Variants in GAS7 observed in about 807,000 individuals in gnomAD.
GAS7 encodes the protein growth arrest-specific protein 7.
GAS7 carries 28 observed loss-of-function variants against 71.1 expected under a neutral mutation model. The ratio of observed to expected loss-of-function variants is 0.39; its 90% CI spans 0.29 to 0.54. The LOEUF is 0.54. Ranked by LOEUF, GAS7 falls within the 20% of genes least tolerant of loss-of-function variation. The pLI is 0.62. For synonymous variants in GAS7, 258 were observed against 245.8 expected (o/e 1.05, Z -0.46); for missense variants, 436 against 627.8 (o/e 0.69, Z 3.27).
Position 9,914,709 on chromosome 17 carries a change from G to C in GAS7, c.*2519C>G, listed in dbSNP as rs1241922485. On this transcript the variant is annotated 3_prime_UTR_variant, in exon 14 of 14. Transcript: ENST00000432992. Reference sequence around the variant, plus strand: ...AAAGAATCCCAGAGGGTTAAGTGTGGAGAGGGTACAATGTTCTTATTATAC... The same window carrying C: ...AAAGAATCCCAGAGGGTTAAGTGTGCAGAGGGTACAATGTTCTTATTATAC... 2 of 221,428 alleles carry C rather than the reference G, an allele frequency of 9.0e-6. No homozygotes were observed. The allele number at this position is 221,428 out of a possible 1,614,324, so 13.7% of individuals were successfully genotyped here.
chr17:10,065,588 T>A (rs1218374485), intron 1 of GAS7, among the ~76,000 whole-genome samples: 2 of 152,232 alleles, frequency 1.3e-5, no homozygotes, highest in African/African-American at 2.4e-5. Flanking sequence ...TTCTCTCTTA[T>A]AAAGATGCTT....
chr17:10,175,334 G>A (rs2074366270), intron 1 of GAS7, among the ~76,000 whole-genome samples: 1 of 152,072 alleles, frequency 6.6e-6, no homozygotes, highest in Middle Eastern at 3.4e-3. Context: ...AGGGGCTTGT[G>A]TGAGTTTGCT....
At chr17:9,958,479 G>T (rs1263122435) in intron 5 of GAS7, among the ~76,000 whole-genome samples, 1 of 152,202 alleles carries the variant, frequency 6.6e-6, no homozygotes, top group Non-Finnish European at 1.5e-5. Context: ...TGGAGCCTAA[G>T]AGAGCAATAC....
chr17:10,115,265 G>T (rs2073850278), intron 1 of GAS7, among the ~76,000 whole-genome samples: 1 of 152,264 alleles, frequency 6.6e-6, no homozygotes, highest in Admixed American at 6.5e-5. Context: ...AGCCAGCAGA[G>T]GGAAGGACCA....
intron 1 of GAS7, among the ~76,000 whole-genome samples, chr17:10,020,617 A>C (rs35602768): frequency 0.02 from 3,013 of 152,306 alleles, 43 homozygotes; most frequent in Non-Finnish European, 0.031. Flanking sequence ...GATGCTAAAA[A>C]AAAAACAACC....
intron 3 of GAS7, among the ~76,000 whole-genome samples, chr17:9,976,321 G>A (rs986443468): frequency 6.6e-6 from 1 of 152,232 alleles, no homozygotes; most frequent in African/African-American, 2.4e-5. Context: ...ACTTCTTCCA[G>A]CAGAAGGTGT....
intron 1 of GAS7, among the ~76,000 whole-genome samples, chr17:10,179,072 G>A (rs1472459543): frequency 1.3e-5 from 2 of 152,062 alleles, no homozygotes; most frequent in Admixed American, 1.3e-4. Context: ...GCTCATGCCT[G>A]TAATCCCAGC....
rs930122289 is a variant in GAS7 at position 10,198,580 on chromosome 17, C to T, written c.-190G>A. 2.7e-5 allele frequency: 10 copies of T among 372,168 alleles called. No individual in the cohort carries two copies. Among genetic ancestry groups the T allele is most frequent in the Non-Finnish European group, 4.7e-5 (10 of 211,954 alleles). 23.1% of individuals were successfully genotyped at this position (372,168 alleles called of 1,614,324 possible). A position where few individuals can be genotyped will look rare whatever the true frequency, so the allele number is the denominator to read the frequency against. On this transcript the variant is annotated 5_prime_UTR_variant, in exon 1 of 14. Coordinates refer to ENST00000432992, the MANE Select transcript of GAS7 (RefSeq NM_201433.2). ...CGCTCCGCGCCGGGAAGCAGAGACT[C>T]GTTGGCTTCGCAGAGCGAGCGGCGA...
At chr17:10,172,712 GA>G (rs2074344477) in intron 1 of GAS7, among the ~76,000 whole-genome samples, 1 of 152,216 alleles carries the variant, frequency 6.6e-6, no homozygotes, top group African/African-American at 2.4e-5. Flanking sequence ...ACCCATTTAG[GA>G]AATGAGCAAA....
chr17:10,089,843 C>T (rs1174012427), intron 1 of GAS7, among the ~76,000 whole-genome samples: 1 of 152,164 alleles, frequency 6.6e-6, no homozygotes, highest in African/African-American at 2.4e-5. Flanking sequence ...CTGGAGGCAA[C>T]CACCAGGAGA....
At chr17:10,038,137 C>G (rs1194631966) in intron 1 of GAS7, among the ~76,000 whole-genome samples, 1 of 151,822 alleles carries the variant, frequency 6.6e-6, no homozygotes, top group Non-Finnish European at 1.5e-5. Context: ...ACGGGTGGAT[C>G]ACTTGAGGCC....
intron 4 of GAS7, among the ~76,000 whole-genome samples, chr17:9,966,639 G>T (rs1204690504): frequency 6.6e-6 from 1 of 152,130 alleles, no homozygotes; most frequent in African/African-American, 2.4e-5. Context: ...TAACCTATTT[G>T]TATGTTTAAC....
chr17:9,933,665 G>A (rs544198472), intron 9 of GAS7, among the ~76,000 whole-genome samples: 6 of 152,146 alleles, frequency 3.9e-5, no homozygotes, highest in African/African-American at 1.4e-4. Flanking sequence ...GGAAAATAGC[G>A]AGACCCCATC....
intron 6 of GAS7, 23 bp downstream of exon 6, chr17:9,946,871 G>A (rs1419050374): frequency 6.5e-7 from 1 of 1,538,372 alleles, no homozygotes; most frequent in Non-Finnish European, 9.0e-7. Flanking sequence ...TCACGCTGTG[G>A]GGGAAACTGA....
chr17:9,976,023 C>T lies in GAS7; in HGVS notation c.385+5781G>A, dbSNP rs374850334. On this transcript the variant is annotated intron_variant, in intron 3 of 13. Transcript: ENST00000432992. The stretch of plus-strand genomic sequence containing the variant: ...GCAGGTTCCTTGGTCACCATGCTCA[C>T]CTTCTCAGGAGGATCCACTGTCCAC... 2.2e-4 allele frequency among the ~76,000 whole-genome samples: 33 copies of T among 152,338 alleles called. No individual in the cohort carries two copies. The South Asian group carries it at 6.6e-3, about 31-fold the overall frequency.
At chr17:10,151,554 A>G (rs1023377184) in intron 1 of GAS7, among the ~76,000 whole-genome samples, 3 of 151,966 alleles carry the variant, frequency 2.0e-5, no homozygotes, top group Non-Finnish European at 4.4e-5. Context: ...CCATCTATCT[A>G]TTTATTTACA....
In GAS7 at chr17:9,941,326, A is replaced by T. The variant is rs186814986; in HGVS notation, c.732-1126T>A. On this transcript the variant is annotated intron_variant, in intron 7 of 13. Transcript: ENST00000432992. The stretch of plus-strand genomic sequence containing the variant: ...TGGTCAAGAGAGATATCTAGAAAGT[A>T]GATCTATCCATGCCACGCTCCCGGC... Among the ~76,000 whole-genome samples the T allele has an allele frequency of 2.0e-5, 3 of 152,260 alleles. No individual in the cohort carries two copies. The East Asian group carries it at 5.8e-4, about 29-fold the overall frequency.
At chr17:10,179,609 G>A (rs555898946) in intron 1 of GAS7, among the ~76,000 whole-genome samples, 1 of 152,208 alleles carries the variant, frequency 6.6e-6, no homozygotes, top group East Asian at 1.9e-4. Context: ...TTAAGTTTGT[G>A]GTCCAAATAC....
intron 4 of GAS7, among the ~76,000 whole-genome samples, chr17:9,962,080 GT>G (rs3837865): frequency 0.12 from 18,362 of 152,108 alleles, 3,048 homozygotes; most frequent in African/African-American, 0.37. Flanking sequence ...TGTTCCACGT[GT>G]TAGGTGTCAG....
Sources: gnomAD v4.1 joint callset for allele counts (sites outside exome capture counted in the v4.1 genomes callset) on GRCh38, gnomAD v4.1.1 for gene constraint, MANE v1.5 for transcripts, NCBI Gene and HGNC (gene_info 2026-07-23, HGNC 2026-07-21) for gene names.